ZNF486: variants seen among roughly 807,000 people sequenced by gnomAD.
ZNF486 encodes KRAB box only protein 2.
In ZNF486, 12 loss-of-function variants were observed where a neutral mutation model predicts 12.8. The observed-to-expected ratio is 0.94, with a 90% CI of 0.60 to 1.52. The LOEUF is 1.52. ZNF486 is among the 40% of genes most tolerant of loss of function. The pLI is 0.00. For synonymous variants in ZNF486, 231 were observed against 184.9 expected, an observed-to-expected ratio of 1.25 and a Z score of -2.02; for missense variants, 738 against 545.0, an observed-to-expected ratio of 1.35 and a Z score of -3.53.
At position 20,184,456 on chromosome 19, in the gene ZNF486, A is replaced by C; in HGVS notation, c.131A>C (p.Glu44Ala). ...QQNLYRDVML[E>A]NYRHLVFLGI... ...AATTTATATAGGGATGTGATGTTAG[A>C]GAACTACAGACACCTGGTCTTCCTT... Residue 44 changes from glutamate (E) to alanine (A), a missense_variant, in exon 2 of 4, where the codon GAG (glutamate) becomes GCG (alanine). Glu to Ala is a moderately radical substitution (Grantham distance 107). Coordinates refer to ENST00000335117, the MANE Select transcript of ZNF486 (RefSeq NM_052852.4). 1 of 1,613,052 alleles carries C rather than the reference A, an allele frequency of 6.2e-7. No homozygotes were observed. Among genetic ancestry groups the C allele is most frequent in the Non-Finnish European group, 8.5e-7 (1 of 1,179,530 alleles).
intron 1 of ZNF486, among the ~76,000 whole-genome samples, chr19:20,181,756 A>T (rs782468885): frequency 6.7e-6 from 1 of 150,146 alleles, no homozygotes; most frequent in Non-Finnish European, 1.5e-5. Flanking sequence ...TATCTCTTTC[A>T]TCTGTCTATA....
intron 3 of ZNF486, among the ~76,000 whole-genome samples, chr19:20,187,121 G>GT (rs1369354061): frequency 1.3e-5 from 2 of 151,436 alleles, no homozygotes; most frequent in African/African-American, 2.4e-5. Flanking sequence ...TACCTCCTTG[G>GT]TTTTTTTCTA....
intron 1 of ZNF486, among the ~76,000 whole-genome samples, chr19:20,168,570 C>T (rs1392738963): frequency 6.6e-6 from 1 of 151,572 alleles, no homozygotes; most frequent in African/African-American, 2.4e-5. Context: ...AGGAGAGTTG[C>T]TTGAACCCGG....
At chr19:20,180,430 T>A (rs1220480428) in intron 1 of ZNF486, among the ~76,000 whole-genome samples, 12 of 152,288 alleles carry the variant, frequency 7.9e-5, no homozygotes, top group African/African-American at 2.4e-4. Context: ...GACCAGCAAC[T>A]GGATAAATAA....
In ZNF486 at chr19:20,186,068, T is replaced by C. The variant is rs1555716386; in HGVS notation, c.239T>C (p.Ile80Thr). ...KPLTMKRHEM[I>T]AKPPVVCSHF... ...CTGACTATGAAGAGACATGAGATGA[T>C]TGCCAAACCCCCAGGTAGGTGCGAA... Residue 80 changes from isoleucine to threonine, a missense_variant, in exon 3 of 4, where the codon ATT becomes ACT. Ile to Thr is a moderately conservative substitution (Grantham distance 89). Transcript: ENST00000335117. 12 of 1,587,734 alleles carry C rather than the reference T, an allele frequency of 7.6e-6. No homozygotes were observed. Among genetic ancestry groups the C allele is most frequent in the Non-Finnish European group, 1.0e-5 (12 of 1,169,930 alleles).
At chr19:20,173,887 TTAGATTATA>T (rs2089677412) in intron 1 of ZNF486, among the ~76,000 whole-genome samples, 1 of 152,020 alleles carries the variant, frequency 6.6e-6, no homozygotes, top group Non-Finnish European at 1.5e-5. Context: ...CTTAAGGGAT[TTAGATTATA>T]TATAGTTATT....
chr19:20,174,653 T>C (rs577216625), intron 1 of ZNF486, among the ~76,000 whole-genome samples: 1 of 152,322 alleles, frequency 6.6e-6, no homozygotes, highest in Non-Finnish European at 1.5e-5. Context: ...CTTCCCATAG[T>C]GCTAAGATTA....
chr19:20,200,313 T>G lies in ZNF486; in HGVS notation c.*2211T>G, dbSNP rs781974107. On this transcript the variant is annotated 3_prime_UTR_variant, in exon 4 of 4. Coordinates refer to ENST00000335117, the MANE Select transcript of ZNF486 (RefSeq NM_052852.4). ...AAATGTAAGATGCATGATGAAAATA[T>G]AAGTGGAGAGGCTCTTTGTAGTTAA... The G allele has an allele frequency of 1.3e-5, 2 of 152,240 alleles. No homozygotes were observed. Among genetic ancestry groups the G allele is most frequent in the East Asian group, 3.9e-4 (2 of 5,184 alleles). The allele number at this position is 152,240 out of a possible 1,614,324, so 9.4% of individuals were successfully genotyped here.
At chr19:20,172,542 G>A (rs2089660022) in intron 1 of ZNF486, among the ~76,000 whole-genome samples, 1 of 151,948 alleles carries the variant, frequency 6.6e-6, no homozygotes, top group African/African-American at 2.4e-5. Context: ...CAAGTGTTCT[G>A]CCTGCCTTGG....
intron 1 of ZNF486, among the ~76,000 whole-genome samples, chr19:20,180,618 G>T (rs1322098401): frequency 2.0e-5 from 3 of 152,106 alleles, no homozygotes; most frequent in African/African-American, 7.2e-5. Flanking sequence ...GTGTTACCCA[G>T]GCATGAGTGC....
intron 3 of ZNF486, among the ~76,000 whole-genome samples, chr19:20,186,784 GTT>G (rs57907168): frequency 3.3e-5 from 4 of 122,464 alleles, no homozygotes; most frequent in Non-Finnish European, 3.3e-5. Context: ...ATTTTCATAG[GTT>G]TTTTTTTTTT....
intron 3 of ZNF486, chr19:20,188,784 T>C (rs2089874710): frequency 8.4e-6 from 2 of 238,866 alleles, no homozygotes; most frequent in Non-Finnish European, 1.6e-5. Context: ...TTTTACCCTC[T>C]CTCACCCTCG....
intron 1 of ZNF486, among the ~76,000 whole-genome samples, chr19:20,170,809 C>A (rs112813810): frequency 9.9e-5 from 15 of 152,178 alleles, no homozygotes; most frequent in Admixed American, 2.6e-4. Context: ...TTTCATCTTT[C>A]CTCATGTCTT....
At chr19:20,173,951 A>T (rs1336824745) in intron 1 of ZNF486, among the ~76,000 whole-genome samples, 1 of 129,692 alleles carries the variant, frequency 7.7e-6, no homozygotes, top group African/African-American at 4.1e-5. Context: ...TTAACAGCTA[A>T]ATACCTTTTG....
chr19:20,175,586 G>A (rs1464602894), intron 1 of ZNF486, among the ~76,000 whole-genome samples: 28 of 151,468 alleles, frequency 1.8e-4, no homozygotes, highest in African/African-American at 5.4e-4. Context: ...ATCTTGCACC[G>A]CCCTTAATCC....
intron 1 of ZNF486, among the ~76,000 whole-genome samples, chr19:20,168,049 A>G (rs556287534): frequency 1.3e-5 from 2 of 151,658 alleles, no homozygotes; most frequent in South Asian, 4.2e-4. Flanking sequence ...CACAAAAACA[A>G]AAACTACGTT....
rs1555718203 is a variant in ZNF486 at position 20,197,405 on chromosome 19, A to G, written c.695A>G (p.His232Arg). 6.2e-7 allele frequency: 1 copy of G among 1,613,024 alleles called. No individual in the cohort carries two copies. The highest frequency in any genetic ancestry group is 8.5e-7 in the Non-Finnish European group (1 of 1,179,190). The change falls in exon 4 of 4, where the codon CAT (histidine) becomes CGT (arginine). Residue 232 changes from histidine to arginine, a missense_variant. Coordinates refer to ENST00000335117, the MANE Select transcript of ZNF486 (RefSeq NM_052852.4). ...CACCTTACTACACATAAGATAACTC[A>G]TACTAGAGAGAAACCCTACAAATGT... ...SSHLTTHKIT[H>R]TREKPYKCEE...
intron 1 of ZNF486, among the ~76,000 whole-genome samples, chr19:20,169,977 G>T (rs1327221949): frequency 7.1e-6 from 1 of 141,088 alleles, no homozygotes. Flanking sequence ...TGCAAGCTCC[G>T]CCTCCCGGGT....
chr19:20,187,120 G>A (rs1555716587), intron 3 of ZNF486, among the ~76,000 whole-genome samples: 1 of 151,204 alleles, frequency 6.6e-6, no homozygotes, highest in Non-Finnish European at 1.5e-5. Context: ...TTACCTCCTT[G>A]GTTTTTTTCT....
Sources: gnomAD v4.1 joint callset for allele counts (sites outside exome capture counted in the v4.1 genomes callset) on GRCh38, gnomAD v4.1.1 for gene constraint, MANE v1.5 for transcripts, NCBI Gene and HGNC (gene_info 2026-07-23, HGNC 2026-07-21) for gene names.